Variants in EGF observed in about 807,000 individuals in gnomAD.
The protein encoded by EGF is epidermal growth factor, also known as pro-epidermal growth factor.
Under a neutral mutation model 143.8 loss-of-function variants are expected in EGF, and 95 were observed. That is an observed-to-expected ratio of 0.66 (90% CI 0.56 to 0.78). The LOEUF is 0.78. Among genes scored for constraint, EGF ranks in the 30% least tolerant of loss-of-function variants. The pLI, the probability that EGF is intolerant of heterozygous loss-of-function variation, is 0.00. For missense variants in EGF, 1,320 were observed against 1,470.9 expected, an observed-to-expected ratio of 0.90 and a Z score of 1.68; for synonymous variants, 510 against 510.5, an observed-to-expected ratio of 1.00 and a Z score of 0.01.
chr4:109,941,944 A>C (rs1321893016), intron 2 of EGF, among the ~76,000 whole-genome samples: 1 of 152,240 alleles, frequency 6.6e-6, no homozygotes, highest in African/African-American at 2.4e-5. Flanking sequence ...ACATGACTAG[A>C]GAAACTTTAA....
At chr4:109,937,077 G>A (rs988205660) in intron 1 of EGF, among the ~76,000 whole-genome samples, 2 of 152,066 alleles carry the variant, frequency 1.3e-5, no homozygotes, top group South Asian at 2.1e-4. Context: ...CTGAGTTCAA[G>A]TCTTGAATAT....
intron 5 of EGF, among the ~76,000 whole-genome samples, chr4:109,954,409 A>G (rs1463800379): frequency 4.6e-5 from 7 of 152,144 alleles, no homozygotes. Flanking sequence ...TTTAATTCCT[A>G]AAAGGGTACA....
intron 16 of EGF, among the ~76,000 whole-genome samples, chr4:109,987,492 C>T (rs893226346): frequency 1.3e-5 from 2 of 152,076 alleles, no homozygotes; most frequent in African/African-American, 4.8e-5. Flanking sequence ...GTCTCGAACT[C>T]CTGGGCTCAA....
chr4:109,924,523 G>GACATCACTGATCC (rs142799487), intron 1 of EGF, among the ~76,000 whole-genome samples: 2,235 of 152,000 alleles, frequency 0.015, 124 homozygotes, highest in African/African-American at 0.051. Flanking sequence ...TGACAGTGGA[G>GACATCACTGATCC]ACATCACTGA....
At chr4:109,948,900 C>G (rs1227170523) in intron 5 of EGF, among the ~76,000 whole-genome samples, 8 of 152,140 alleles carry the variant, frequency 5.3e-5, no homozygotes, top group Admixed American at 5.2e-4. Context: ...CTTTACAAAG[C>G]ATTTAGTAGT....
rs942468650 is a variant in EGF, at chr4:109,969,131, G to C, written c.1724+12G>C. 3.1e-6 allele frequency: 5 copies of C among 1,613,964 alleles called. No individual in the cohort carries two copies. Among genetic ancestry groups the C allele is most frequent in the South Asian group, 1.1e-5 (1 of 91,080 alleles). ...TGGACAGACAGAGGGTATGTTTTCTGCTTCAGTTTTAAGCTGTGTGAGATG... is the reference window on the plus strand; with the variant it reads ...TGGACAGACAGAGGGTATGTTTTCTCCTTCAGTTTTAAGCTGTGTGAGATG... On this transcript the variant is annotated intron_variant, in intron 11 of 23. Transcript: ENST00000265171.
chr4:109,957,285 G>T (rs1359897059), intron 5 of EGF, among the ~76,000 whole-genome samples: 1 of 152,138 alleles, frequency 6.6e-6, no homozygotes, highest in African/African-American at 2.4e-5. Context: ...CCCCCTGACG[G>T]ATCAGGAGAG....
chr4:109,943,411 A>C lies in EGF; in HGVS notation c.485A>C (p.Asn162Thr), dbSNP rs1742263037. The change falls in exon 3 of 24, where the codon AAT becomes ACT. Residue 162 changes from asparagine (N) to threonine (T), a missense_variant. This residue lies in a region of EGF where 1,186 missense variants were observed against 1,313.7 expected (regional missense o/e 0.90). Coordinates refer to ENST00000265171, the MANE Select transcript of EGF (RefSeq NM_001963.6). The part of the protein sequence containing the change: ...ILLSALKYPA[N>T]VAVDPVERFI... ...TTAAGTGCTTTAAAATATCCTGCAA[A>C]TGTAGCAGTTGATCCAGTAGAAAGG... 1 of 1,613,836 alleles carries C rather than the reference A, an allele frequency of 6.2e-7. No homozygotes were observed. The highest frequency in any genetic ancestry group is 8.5e-7 in the Non-Finnish European group (1 of 1,179,826).
rs142717890 is a variant in EGF, at chr4:109,943,969, C to T, written c.637C>T (p.Arg213Trp). Reference sequence around the variant, plus strand: ...TGTGTCATTGGATGTGCTTGATAAGCGGCTGTTTTGGATTCAGTACAACAG... The same window carrying T: ...TGTGTCATTGGATGTGCTTGATAAGTGGCTGTTTTGGATTCAGTACAACAG... ...TAVSLDVLDK[R>W]LFWIQYNREG... Residue 213 changes from arginine (R) to tryptophan (W), a missense_variant, in exon 4 of 24, where the codon CGG becomes TGG. Transcript: ENST00000265171. The T allele has an allele frequency of 1.1e-5, 18 of 1,614,086 alleles. 1 individual carries two copies. The highest frequency in any genetic ancestry group is 2.2e-5 in the South Asian group (2 of 91,074).
intron 17 of EGF, 103 bp downstream of exon 17, chr4:109,987,963 C>A: frequency 1.1e-6 from 1 of 917,082 alleles, no homozygotes; most frequent in Non-Finnish European, 1.8e-6. Flanking sequence ...ATGTAATCAG[C>A]AGATTTGAAT....
intron 11 of EGF, among the ~76,000 whole-genome samples, chr4:109,971,557 GGC>G (rs1747662833): frequency 6.6e-6 from 1 of 152,144 alleles, no homozygotes; most frequent in Non-Finnish European, 1.5e-5. Flanking sequence ...GCAGAGGCAA[GGC>G]GTTCAGGAGA....
intron 1 of EGF, among the ~76,000 whole-genome samples, chr4:109,930,088 T>C (rs1314781702): frequency 1.3e-5 from 2 of 152,204 alleles, no homozygotes; most frequent in African/African-American, 4.8e-5. Flanking sequence ...GAGAAGGTGC[T>C]TGCTTCCACT....
chr4:109,919,426 C>T (rs1174034345), intron 1 of EGF, among the ~76,000 whole-genome samples: 3 of 151,534 alleles, frequency 2.0e-5, no homozygotes, highest in African/African-American at 7.3e-5. Flanking sequence ...GACTACTGCA[C>T]TTTGGGGCTG....
In EGF at chr4:110,006,377, T is replaced by C. The variant is rs139864294; in HGVS notation, c.3291+1755T>C. Among the ~76,000 whole-genome samples, 818 of 152,248 alleles carry C rather than the reference T, an allele frequency of 5.4e-3. 11 individuals carry two copies. Among genetic ancestry groups the C allele is most frequent in the African/African-American group, 0.019 (775 of 41,548 alleles). ...TGAGAAAGAACATGAGTTCTAGCCT[T>C]ACTCTCCCACCAGTTGGCTATCTAA... On this transcript the variant is annotated intron_variant, in intron 22 of 23. Transcript: ENST00000265171.
chr4:109,938,355 C>T (rs1195416404), intron 1 of EGF, among the ~76,000 whole-genome samples: 1 of 152,190 alleles, frequency 6.6e-6, no homozygotes, highest in Non-Finnish European at 1.5e-5. Flanking sequence ...CTGTGGTTTT[C>T]AGCTACATCA....
chr4:109,990,904 A>T lies in EGF; in HGVS notation c.2734+2195A>T, dbSNP rs182196970. On this transcript the variant is annotated intron_variant, in intron 18 of 23. Transcript: ENST00000265171. The stretch of plus-strand genomic sequence containing the variant: ...GGACCCCACCCTTATGACCCCATGT[A>T]ACCTTACTTTCCTCTTGGTAGATGC... 1.4e-3 allele frequency among the ~76,000 whole-genome samples: 219 copies of T among 152,292 alleles called. 1 individual carries two copies. The highest frequency in any genetic ancestry group is 6.8e-3 in the Middle Eastern group (2 of 294).
intron 3 of EGF, among the ~76,000 whole-genome samples, 169 bp downstream of exon 3, chr4:109,943,604 C>A (rs1198641854): frequency 6.6e-6 from 1 of 152,200 alleles, no homozygotes. Context: ...TCAACTGAGA[C>A]AGGATCCCCC....
At position 109,960,943 on chromosome 4, in the gene EGF, G is replaced by C; in HGVS notation, c.1143G>C (p.Thr381=). 1 of 1,613,850 alleles carries C rather than the reference G, an allele frequency of 6.2e-7. No homozygotes were observed. The highest frequency in any genetic ancestry group is 8.5e-7 in the Non-Finnish European group (1 of 1,179,888). Residue 381 remains threonine, a synonymous_variant, in exon 7 of 24, where the codon ACG becomes ACC. Transcript: ENST00000265171. ...CKNTPGSYYC[T]CPVGFVLLPD... ...ACACCCCTGGATCCTATTACTGCAC[G>C]TGCCCTGTAGGATTTGTTCTGCTTC...
chr4:109,926,899 T>C (rs1473574546), intron 1 of EGF, among the ~76,000 whole-genome samples: 1 of 152,226 alleles, frequency 6.6e-6, no homozygotes, highest in East Asian at 1.9e-4. Flanking sequence ...GTTTCCATTG[T>C]TATGTGATTT....
Sources: gnomAD v4.1 joint callset for allele counts (sites outside exome capture counted in the v4.1 genomes callset) on GRCh38, gnomAD v4.1.1 for gene constraint, gnomAD v4.1.1 regional missense constraint, MANE v1.5 for transcripts, NCBI Gene and HGNC (gene_info 2026-07-23, HGNC 2026-07-21) for gene names.